SYCP1: variants seen among roughly 807,000 people sequenced by gnomAD.
SYCP1 encodes the protein synaptonemal complex protein 1, also known as cancer/testis antigen 8.
Under a neutral mutation model 153.1 loss-of-function variants are expected in SYCP1, and 64 were observed. That is an observed-to-expected ratio of 0.42 (90% CI 0.34 to 0.51). SYCP1 has a LOEUF of 0.51. Among genes scored for constraint, SYCP1 ranks in the 20% least tolerant of loss-of-function variants. The pLI is 0.06. For synonymous variants in SYCP1, 384 were observed against 341.8 expected (o/e 1.12, Z -1.36); for missense variants, 997 against 1,049.0 (o/e 0.95, Z 0.68).
intron 16 of SYCP1, among the ~76,000 whole-genome samples, chr1:114,909,134 A>G (rs1668013959): frequency 6.6e-6 from 1 of 152,100 alleles, no homozygotes; most frequent in African/African-American, 2.4e-5. Context: ...AAATTTGTGT[A>G]GTATTCATAC....
intron 16 of SYCP1, among the ~76,000 whole-genome samples, chr1:114,897,279 G>A (rs1484788511): frequency 2.0e-5 from 3 of 152,126 alleles, no homozygotes; most frequent in African/African-American, 7.2e-5. Context: ...TGGCAAAAGG[G>A]GCCAATGTCT....
At chr1:114,991,367 C>T (rs1015569094) in intron 30 of SYCP1, among the ~76,000 whole-genome samples, 3 of 151,840 alleles carry the variant, frequency 2.0e-5, no homozygotes, top group Admixed American at 6.6e-5. Context: ...AGGAAAATTA[C>T]GGACCAATAT....
intron 8 of SYCP1, among the ~76,000 whole-genome samples, chr1:114,870,100 A>G (rs1665017553): frequency 6.6e-6 from 1 of 152,260 alleles, no homozygotes; most frequent in East Asian, 1.9e-4. Context: ...TGCAGCCTTG[A>G]AATCCTGGGC....
intron 30 of SYCP1, among the ~76,000 whole-genome samples, chr1:114,986,496 A>G (rs1673513790): frequency 1.3e-5 from 2 of 152,008 alleles, no homozygotes; most frequent in Admixed American, 1.3e-4. Flanking sequence ...AAGGAGCATC[A>G]CAAACTTGCA....
At chr1:114,870,446 T>C (rs1192965130) in intron 8 of SYCP1, among the ~76,000 whole-genome samples, 4 of 152,252 alleles carry the variant, frequency 2.6e-5, no homozygotes, top group Non-Finnish European at 5.9e-5. Flanking sequence ...TTGTAAGGTG[T>C]CTGTTAAGGT....
At chr1:114,918,392 G>A (rs554720949) in intron 20 of SYCP1, among the ~76,000 whole-genome samples, 1 of 152,126 alleles carries the variant, frequency 6.6e-6, no homozygotes, top group Non-Finnish European at 1.5e-5. Context: ...GGTTACTATA[G>A]CTAGGTAGTA....
chr1:114,972,730 AT>A (rs1672574689), intron 27 of SYCP1, among the ~76,000 whole-genome samples: 1 of 151,874 alleles, frequency 6.6e-6, no homozygotes, highest in African/African-American at 2.4e-5. Flanking sequence ...TTTGTTATTG[AT>A]TTCTGGTTTA....
intron 20 of SYCP1, among the ~76,000 whole-genome samples, chr1:114,921,237 C>G (rs1249839961): frequency 1.3e-5 from 2 of 152,134 alleles, no homozygotes; most frequent in South Asian, 2.1e-4. Flanking sequence ...ATTGCATAAG[C>G]AAATAAACAA....
intron 12 of SYCP1, 149 bp from the exon 13 acceptor site, chr1:114,885,386 C>G (rs557126828): frequency 4.4e-6 from 2 of 459,362 alleles, no homozygotes; most frequent in Admixed American, 9.3e-5. Flanking sequence ...TGATGGTGAC[C>G]AATATTTGTG....
chr1:114,951,083 C>T (rs1010486486), intron 27 of SYCP1, among the ~76,000 whole-genome samples: 1 of 152,178 alleles, frequency 6.6e-6, no homozygotes. Context: ...CTCAGCCCCC[C>T]AAAGTGCTGG....
At chr1:114,893,922 C>T (rs778649288) in intron 15 of SYCP1, among the ~76,000 whole-genome samples, 43 of 151,038 alleles carry the variant, frequency 2.8e-4, no homozygotes, top group Admixed American at 8.6e-4. Context: ...GGTATGGTCA[C>T]TTGGTCTTGT....
intron 20 of SYCP1, 87 bp from the exon 21 acceptor site, chr1:114,923,362 T>C: frequency 1.4e-6 from 2 of 1,383,602 alleles, no homozygotes; most frequent in Non-Finnish European, 1.9e-6. Flanking sequence ...GAATGTGGTC[T>C]TTAAGACTTC....
At chr1:114,856,776 A>G (rs1246928416) in intron 3 of SYCP1, 119 bp downstream of exon 3, 6 of 707,568 alleles carry the variant, frequency 8.5e-6, no homozygotes, top group Non-Finnish European at 1.3e-5. Context: ...AAAGCTAGAT[A>G]TAATACTTAA....
chr1:114,977,282 A>C (rs970891977), intron 27 of SYCP1, among the ~76,000 whole-genome samples: 1 of 151,782 alleles, frequency 6.6e-6, no homozygotes, highest in African/African-American at 2.4e-5. Context: ...TTATTTTACA[A>C]ATAAGAAAGC....
At chr1:114,959,545 T>G (rs1203281367) in intron 27 of SYCP1, among the ~76,000 whole-genome samples, 1 of 152,200 alleles carries the variant, frequency 6.6e-6, no homozygotes, top group Non-Finnish European at 1.5e-5. Context: ...GAATGAGGTA[T>G]CCATCACCTC....
rs552252746 is a variant in SYCP1, at chr1:114,951,456, A to G, written c.2322+4136A>G. On this transcript the variant is annotated intron_variant, in intron 27 of 31. Coordinates refer to ENST00000369522, the MANE Select transcript of SYCP1 (RefSeq NM_003176.4). ...TTGCAGAATTATTATTAAACTTAAGATAGATATTTCTTTACAAAATATTTA... is the reference window on the plus strand; with the variant it reads ...TTGCAGAATTATTATTAAACTTAAGGTAGATATTTCTTTACAAAATATTTA... 4.6e-5 allele frequency among the ~76,000 whole-genome samples: 7 copies of G among 152,326 alleles called. No homozygotes were observed. In the South Asian group the frequency reaches 1.0e-3, roughly 23 times the overall value.
intron 27 of SYCP1, among the ~76,000 whole-genome samples, chr1:114,965,946 G>T (rs1296097734): frequency 1.3e-5 from 2 of 152,122 alleles, no homozygotes; most frequent in East Asian, 3.9e-4. Flanking sequence ...ACCTCTGGTA[G>T]AATTTGGCTG....
chr1:114,929,799 T>C (rs1424346671), intron 23 of SYCP1, among the ~76,000 whole-genome samples: 1 of 152,060 alleles, frequency 6.6e-6, no homozygotes, highest in African/African-American at 2.4e-5. Flanking sequence ...AGAACAACTA[T>C]TAAAACATCT....
chr1:114,906,422 T>C (rs1270225714), intron 16 of SYCP1, among the ~76,000 whole-genome samples: 2 of 152,180 alleles, frequency 1.3e-5, no homozygotes, highest in Non-Finnish European at 2.9e-5. Context: ...TACTTTGAGT[T>C]TATTTTGCTC....
Sources: gnomAD v4.1 joint callset for allele counts (sites outside exome capture counted in the v4.1 genomes callset) on GRCh38, gnomAD v4.1.1 for gene constraint, MANE v1.5 for transcripts, NCBI Gene and HGNC (gene_info 2026-07-23, HGNC 2026-07-21) for gene names.